WDTC1: variants seen among roughly 807,000 people sequenced by gnomAD.
The protein encoded by WDTC1 is WD and tetratricopeptide repeats 1.
Under a neutral mutation model 76.0 loss-of-function variants are expected in WDTC1, and 12 were observed. The ratio of observed to expected loss-of-function variants is 0.16; its 90% CI spans 0.10 to 0.26. WDTC1 has a LOEUF of 0.26. Ranked by LOEUF, WDTC1 falls within the 10% of genes least tolerant of loss-of-function variation. The pLI is 1.00. For missense variants in WDTC1, 511 were observed against 908.8 expected (o/e 0.56, Z 5.63); for synonymous variants, 326 against 350.8 (o/e 0.93, Z 0.79).
At chr1:27,236,738 T>C (rs1252981424) in intron 1 of WDTC1, among the ~76,000 whole-genome samples, 1 of 152,204 alleles carries the variant, frequency 6.6e-6, no homozygotes, top group Non-Finnish European at 1.5e-5. Context: ...TGAAGCCCAC[T>C]GCCAAACATT....
chr1:27,287,847 G>A lies in WDTC1; in HGVS notation c.465G>A (p.Glu155=), dbSNP rs147418143. ...CCAACACATTCTGGAGTGCTGCTGAGGATGGGCTTATCCGGTAAGAGTCTG... is the reference window on the plus strand; with the variant it reads ...CCAACACATTCTGGAGTGCTGCTGAAGATGGGCTTATCCGGTAAGAGTCTG... ...MWPNTFWSAA[E]DGLIRQYDLR... is the part of the protein sequence containing the mutation. Residue 155 remains glutamate, a synonymous_variant, in exon 6 of 16, where the codon GAG becomes GAA. Transcript: ENST00000319394. The A allele has an allele frequency of 1.2e-4, 186 of 1,613,270 alleles. No individual in the cohort carries two copies. Among genetic ancestry groups the A allele is most frequent in the Middle Eastern group, 6.6e-4 (4 of 6,062 alleles).
chr1:27,289,281 C>A (rs1248640634), intron 6 of WDTC1, among the ~76,000 whole-genome samples: 1 of 149,474 alleles, frequency 6.7e-6, no homozygotes, highest in African/African-American at 2.5e-5. Flanking sequence ...GGCTGCCGGG[C>A]AGAGGGGCTC....
rs1323168406 is a variant in WDTC1, at chr1:27,305,644, C to A, written c.1836+451C>A. Among the ~76,000 whole-genome samples the A allele has an allele frequency of 6.6e-6, 1 of 152,166 alleles. No individual in the cohort carries two copies. Among genetic ancestry groups the A allele is most frequent in the Non-Finnish European group, 1.5e-5 (1 of 68,008 alleles). ...TCCCCTCCACTCCCAGGGTGGGTAG[C>A]CAGGGAAGCTGGCTTGGTGCCTCCC... On this transcript the variant is annotated intron_variant, in intron 15 of 15. Transcript: ENST00000319394. The surrounding 1 kb of genome is among the most constrained non-coding windows in gnomAD (Gnocchi z 4.6).
At position 27,261,030 on chromosome 1, in the gene WDTC1, C is replaced by T; in HGVS notation, c.-25C>T. On this transcript the variant is annotated 5_prime_UTR_variant, in exon 2 of 16. Coordinates refer to ENST00000319394, the MANE Select transcript of WDTC1 (RefSeq NM_001276252.2). ...GGTCCTGAAGATCCTATTATAGCTT[C>T]CTTCTGTTGAACCATTAAGAAAAGA... is the stretch of plus-strand genomic sequence containing the variant. 7 of 1,614,040 alleles carry T rather than the reference C, an allele frequency of 4.3e-6. No homozygotes were observed. The highest frequency in any genetic ancestry group is 5.9e-6 in the Non-Finnish European group (7 of 1,179,946).
At position 27,301,228 on chromosome 1, in the gene WDTC1, A is replaced by G; in HGVS notation, c.1235A>G (p.Asp412Gly). ...RAAAYMKRKW[D>G]GDHYDALRDC... is the part of the protein sequence containing the mutation. ...GCCGCTCTTCCCTGCCTTCCCAGGG[A>G]TGGTGACCACTATGATGCCCTGAGG... Residue 412 changes from aspartate to glycine, a missense_variant and splice_region_variant, in exon 13 of 16, where the codon GAT becomes GGT. Asp to Gly is a moderately conservative substitution (Grantham distance 94). Transcript: ENST00000319394. The surrounding 1 kb of genome is among the most constrained non-coding windows in gnomAD (Gnocchi z 5.8). 1 of 1,613,472 alleles carries G rather than the reference A, an allele frequency of 6.2e-7. No individual in the cohort carries two copies. Among genetic ancestry groups the G allele is most frequent in the Non-Finnish European group, 8.5e-7 (1 of 1,179,696 alleles).
chr1:27,283,251 C>T, intron 4 of WDTC1, 87 bp from the exon 5 acceptor site: 1 of 1,215,786 alleles, frequency 8.2e-7, no homozygotes, highest in Non-Finnish European at 1.2e-6. Flanking sequence ...ATTCTGTAAC[C>T]TAACTCCTTG....
At position 27,263,161 on chromosome 1, in the gene WDTC1, G is replaced by A. The variant is rs2012537166; in HGVS notation, c.58G>A (p.Ala20Thr). The A allele has an allele frequency of 2.5e-6, 4 of 1,613,494 alleles. No individual in the cohort carries two copies. In the African/African-American group the frequency reaches 4.0e-5, roughly 16 times the overall value. Reference sequence around the variant, plus strand: ...TGTTTCTGTCCCCTAGGAGCGGGGTGCCCTGAGCTTTGAGCGGCGCTACCA... The same window carrying A: ...TGTTTCTGTCCCCTAGGAGCGGGGTACCCTGAGCTTTGAGCGGCGCTACCA... ...LIRRQIKERG[A>T]LSFERRYHVT... Residue 20 changes from alanine (A) to threonine (T), a missense_variant, in exon 3 of 16, where the codon GCC (alanine) becomes ACC (threonine). Transcript: ENST00000319394.
At chr1:27,253,696 G>A (rs1413409850) in intron 1 of WDTC1, among the ~76,000 whole-genome samples, 1 of 151,754 alleles carries the variant, frequency 6.6e-6, no homozygotes, top group African/African-American at 2.4e-5. Context: ...AATAGACATT[G>A]AAAATTTTAT....
chr1:27,301,988 A>G lies in WDTC1; in HGVS notation c.1468+527A>G, dbSNP rs1449715977. The stretch of plus-strand genomic sequence containing the variant: ...TGAAGAAAGCACAGCCTCTCTACCT[A>G]CCTGCACAAAGAGCACGAAGCCCTG... On this transcript the variant is annotated intron_variant, in intron 13 of 15. Coordinates refer to ENST00000319394, the MANE Select transcript of WDTC1 (RefSeq NM_001276252.2). The surrounding 1 kb of genome is among the most constrained non-coding windows in gnomAD (Gnocchi z 5.8). 6.6e-6 allele frequency among the ~76,000 whole-genome samples: 1 copy of G among 152,138 alleles called. No homozygotes were observed. Among genetic ancestry groups the G allele is most frequent in the Non-Finnish European group, 1.5e-5 (1 of 68,022 alleles).
In WDTC1 at chr1:27,307,857, G is replaced by A. The variant is rs1253399497; in HGVS notation, c.*1474G>A. Reference sequence around the variant, plus strand: ...CTTCCCACCCCTCTCTTCTAGCTTGGTAATGAAGTATATTTATTGGTGAAG... The same window carrying A: ...CTTCCCACCCCTCTCTTCTAGCTTGATAATGAAGTATATTTATTGGTGAAG... On this transcript the variant is annotated 3_prime_UTR_variant, in exon 16 of 16. Transcript: ENST00000319394. The surrounding 1 kb of genome is among the most constrained non-coding windows in gnomAD (Gnocchi z 4.1). 2.0e-5 allele frequency: 3 copies of A among 151,996 alleles called. No homozygotes were observed. Among genetic ancestry groups the A allele is most frequent in the Non-Finnish European group, 2.9e-5 (2 of 68,002 alleles). 9.4% of individuals were successfully genotyped at this position (151,996 alleles called of 1,614,324 possible).
At chr1:27,271,497 G>C (rs1233221491) in intron 3 of WDTC1, among the ~76,000 whole-genome samples, 2 of 151,842 alleles carry the variant, frequency 1.3e-5, no homozygotes, top group African/African-American at 4.8e-5. Context: ...TTACAGGTGC[G>C]AGCCACCATG....
chr1:27,257,357 G>A (rs1178779288), intron 1 of WDTC1, among the ~76,000 whole-genome samples: 2 of 152,106 alleles, frequency 1.3e-5, no homozygotes. Flanking sequence ...TGAGTCACAG[G>A]AATGAGTGTC....
rs755410324 is a variant in WDTC1 at position 27,283,425 on chromosome 1, C to T, written c.267C>T (p.His89=). Residue 89 remains histidine (H), a synonymous_variant, in exon 5 of 16, where the codon CAC becomes CAT. Transcript: ENST00000319394. ...AGCTGCTCTCCATGCACACGGGACA[C>T]ACCGCAAATATCTTCTCTGTCAAGG... ...HKKLLSMHTG[H]TANIFSVKFL... 4 of 1,612,998 alleles carry T rather than the reference C, an allele frequency of 2.5e-6. No individual in the cohort carries two copies. In the African/African-American group the frequency reaches 4.0e-5, roughly 16 times the overall value.
chr1:27,288,495 C>CG (rs2013410733), intron 6 of WDTC1, among the ~76,000 whole-genome samples: 2 of 151,974 alleles, frequency 1.3e-5, no homozygotes. Flanking sequence ...GAGGACCCTG[C>CG]GGCCCTCTGC....
chr1:27,303,483 C>T lies in WDTC1; in HGVS notation c.1469-138C>T, dbSNP rs2013879707. 2 of 1,100,344 alleles carry T rather than the reference C, an allele frequency of 1.8e-6. No homozygotes were observed. Among genetic ancestry groups the T allele is most frequent in the East Asian group, 3.0e-5 (1 of 32,842 alleles). The allele number at this position is 1,100,344 out of a possible 1,614,324, so 68.2% of individuals were successfully genotyped here. On this transcript the variant is annotated intron_variant, in intron 13 of 15. Coordinates refer to ENST00000319394, the MANE Select transcript of WDTC1 (RefSeq NM_001276252.2). This position sits in a 1 kb window ranked among gnomAD's most constrained non-coding sequence, Gnocchi z 4.8. ...ATGCATCTTCCTCACAACCTTTCCCCAGTTTTCCAGGATAAGGGTGGAGGC... is the reference window on the plus strand; with the variant it reads ...ATGCATCTTCCTCACAACCTTTCCCTAGTTTTCCAGGATAAGGGTGGAGGC...
chr1:27,281,063 T>C (rs988801647), intron 3 of WDTC1, among the ~76,000 whole-genome samples: 1 of 152,084 alleles, frequency 6.6e-6, no homozygotes, highest in East Asian at 1.9e-4. Context: ...TGCACCAGGC[T>C]CTACCTATTT....
chr1:27,292,476 C>T, intron 7 of WDTC1, 79 bp downstream of exon 7: 1 of 1,349,314 alleles, frequency 7.4e-7, no homozygotes, highest in Non-Finnish European at 9.9e-7. Flanking sequence ...CTGCCATTGC[C>T]ATGCCCTCTT....
At chr1:27,299,553 G>GGACTGACT (rs1181554609) in intron 12 of WDTC1, among the ~76,000 whole-genome samples, 5 of 151,984 alleles carry the variant, frequency 3.3e-5, no homozygotes, top group Non-Finnish European at 1.5e-5. Context: ...TGGGGGTGGG[G>GGACTGACT]GACTGACTGA....
chr1:27,252,379 CT>C (rs2147917827), intron 1 of WDTC1, among the ~76,000 whole-genome samples: 1 of 152,114 alleles, frequency 6.6e-6, no homozygotes, highest in South Asian at 2.1e-4. Context: ...ATTAAAAAAC[CT>C]TTGTCCTCTA....
Sources: gnomAD v4.1 joint callset for allele counts (sites outside exome capture counted in the v4.1 genomes callset) on GRCh38, gnomAD v4.1.1 for gene constraint, Gnocchi (gnomAD v3.1) non-coding constraint, MANE v1.5 for transcripts, NCBI Gene and HGNC (gene_info 2026-07-23, HGNC 2026-07-21) for gene names.